The following SEC24B variants were observed in gnomAD, a reference collection of about 807,000 sequenced individuals.
SEC24B encodes the protein protein transport protein Sec24B.
A neutral mutation model predicts 142.8 loss-of-function variants in SEC24B; 45 were observed. The observed-to-expected ratio is 0.32, with a 90% confidence interval of 0.25 to 0.40. The LOEUF (loss-of-function observed/expected upper bound fraction) is 0.40. Ranked by LOEUF, SEC24B falls within the 10% of genes least tolerant of loss-of-function variation. The pLI, the probability that SEC24B is intolerant of heterozygous loss-of-function variation, is 1.00. For missense variants in SEC24B, 1,409 were observed against 1,526.8 expected (o/e 0.92, Z 1.29); for synonymous variants, 574 against 568.2 (o/e 1.01, Z -0.15).
At chr4:109,538,195 C>T (rs1725764594) in intron 22 of SEC24B, among the ~76,000 whole-genome samples, 1 of 152,166 alleles carries the variant, frequency 6.6e-6, no homozygotes, top group Non-Finnish European at 1.5e-5. Flanking sequence ...AAACATAAAG[C>T]CGCCACACAA....
chr4:109,451,175 A>G (rs1043276839), intron 1 of SEC24B: 2 of 152,158 alleles, frequency 1.3e-5, no homozygotes, highest in Non-Finnish European at 2.9e-5. Flanking sequence ...GTATGTTATT[A>G]TAAACTCACA....
intron 6 of SEC24B, among the ~76,000 whole-genome samples, chr4:109,500,446 A>G (rs933106172): frequency 1.1e-4 from 16 of 151,570 alleles, no homozygotes. Context: ...AGGGAGGCTG[A>G]AGCAGGAGAA....
At chr4:109,496,037 T>G (rs939914823) in intron 6 of SEC24B, among the ~76,000 whole-genome samples, 2 of 152,190 alleles carry the variant, frequency 1.3e-5, no homozygotes, top group Admixed American at 6.5e-5. Context: ...GATATGATAT[T>G]TATACAGTTA....
At chr4:109,535,620 G>A (rs934258658) in intron 22 of SEC24B, among the ~76,000 whole-genome samples, 2 of 151,842 alleles carry the variant, frequency 1.3e-5, no homozygotes, top group African/African-American at 4.8e-5. Flanking sequence ...AGGCCGAGGT[G>A]GGTGGATCAA....
At chr4:109,496,198 C>T (rs867223414) in intron 6 of SEC24B, among the ~76,000 whole-genome samples, 1 of 151,904 alleles carries the variant, frequency 6.6e-6, no homozygotes, top group Non-Finnish European at 1.5e-5. Flanking sequence ...CTGCAACCTC[C>T]GCCTACTGGG....
intron 14 of SEC24B, among the ~76,000 whole-genome samples, chr4:109,523,158 C>T (rs866574799): frequency 6.6e-6 from 1 of 151,916 alleles, no homozygotes; most frequent in Non-Finnish European, 1.5e-5. Context: ...GGCAATGTAA[C>T]GAGACCCTAT....
At chr4:109,462,177 A>C (rs965567001) in intron 1 of SEC24B, among the ~76,000 whole-genome samples, 2 of 151,482 alleles carry the variant, frequency 1.3e-5, no homozygotes, top group East Asian at 3.9e-4. Context: ...TAGCCATCAC[A>C]CTCTATAGAG....
chr4:109,533,095 G>T (rs1355890675), intron 21 of SEC24B, among the ~76,000 whole-genome samples: 1 of 152,142 alleles, frequency 6.6e-6, no homozygotes, highest in East Asian at 1.9e-4. Context: ...AGTATTTCAA[G>T]AGTTTATCTA....
chr4:109,521,196 A>G (rs769720778), intron 13 of SEC24B, 24 bp downstream of exon 13: 8 of 1,387,158 alleles, frequency 5.8e-6, no homozygotes, highest in Non-Finnish European at 8.1e-6. Flanking sequence ...ATTTTCTTAA[A>G]GCATAAAAAT....
chr4:109,526,072 T>G (rs1232426759), intron 16 of SEC24B, among the ~76,000 whole-genome samples, 154 bp from the exon 17 acceptor site: 1 of 152,158 alleles, frequency 6.6e-6, no homozygotes, highest in Admixed American at 6.6e-5. Context: ...TTTTTTGAAT[T>G]AATATTTTAG....
chr4:109,515,196 G>T (rs1470331033), intron 10 of SEC24B, among the ~76,000 whole-genome samples: 2 of 152,016 alleles, frequency 1.3e-5, no homozygotes, highest in African/African-American at 4.8e-5. Context: ...TGCCTCCCGG[G>T]TTCACGACAT....
chr4:109,539,954 G>C lies in SEC24B; in HGVS notation c.*279G>C, dbSNP rs1297339750. 7.3e-6 allele frequency: 2 copies of C among 275,286 alleles called. No individual in the cohort carries two copies. The highest frequency in any genetic ancestry group is 1.3e-5 in the Non-Finnish European group (2 of 150,122). 17.1% of individuals were successfully genotyped at this position (275,286 alleles called of 1,614,324 possible). A position where few individuals can be genotyped will look rare whatever the true frequency, so the allele number is the denominator to read the frequency against. ...ATGGCAGTACAGTGCTCTGTTCATT[G>C]CAAGCTGGCAAATTTATGTAGCTAT... On this transcript the variant is annotated 3_prime_UTR_variant, in exon 24 of 24. Coordinates refer to ENST00000265175, the MANE Select transcript of SEC24B (RefSeq NM_006323.5).
rs1367967447 is a variant in SEC24B, at chr4:109,462,893, T to TTTTCA, written c.134-5_134-4insCATTT. ...TTTACAAATACCTGTAAATACTTGC[T>TTTTCA]TTTTCAGGTCCAGCCCAGAATCAAA... On this transcript the variant is annotated splice_region_variant and splice_polypyrimidine_tract_variant and intron_variant, in intron 1 of 23. Transcript: ENST00000265175. 3.1e-6 allele frequency: 5 copies of TTTTCA among 1,590,538 alleles called. No individual in the cohort carries two copies. The highest frequency in any genetic ancestry group is 4.3e-6 in the Non-Finnish European group (5 of 1,172,868).
chr4:109,505,086 G>C (rs1736543505), intron 6 of SEC24B, among the ~76,000 whole-genome samples: 1 of 152,030 alleles, frequency 6.6e-6, no homozygotes, highest in Non-Finnish European at 1.5e-5. Flanking sequence ...GAGGTGTCAA[G>C]AGTGAAATAA....
At chr4:109,513,268 C>T (rs908892653) in intron 9 of SEC24B, among the ~76,000 whole-genome samples, 1 of 145,346 alleles carries the variant, frequency 6.9e-6, no homozygotes, top group East Asian at 2.0e-4. Context: ...GCCACTGCGC[C>T]TGGCCCCCTG....
At position 109,438,464 on chromosome 4, in the gene SEC24B, A is replaced by G. The variant is rs1459378405; in HGVS notation, c.133+4462A>G. On this transcript the variant is annotated intron_variant, in intron 1 of 23. Transcript: ENST00000265175. ...GAGTAGCTGGGACTATAGGTGTGTGACACCATACCCAGCTAACTTTTAAAA... is the reference window on the plus strand; with the variant it reads ...GAGTAGCTGGGACTATAGGTGTGTGGCACCATACCCAGCTAACTTTTAAAA... Among the ~76,000 whole-genome samples, 3 of 152,144 alleles carry G rather than the reference A, an allele frequency of 2.0e-5. No individual in the cohort carries two copies. In the East Asian group the frequency reaches 5.8e-4, roughly 29 times the overall value.
At chr4:109,527,227 AAAAAAG>A (rs1724342838) in intron 17 of SEC24B, 89 bp from the exon 18 acceptor site, 4 of 930,700 alleles carry the variant, frequency 4.3e-6, no homozygotes, top group Non-Finnish European at 4.9e-6. Flanking sequence ...TCAAAAAAAA[AAAAAAG>A]AAAGAAAGAA....
At chr4:109,526,645 GCTAAA>G (rs1724260424) in intron 17 of SEC24B, among the ~76,000 whole-genome samples, 1 of 152,084 alleles carries the variant, frequency 6.6e-6, no homozygotes, top group Non-Finnish European at 1.5e-5. Flanking sequence ...AACAGTTCAT[GCTAAA>G]TCCAGCTATG....
intron 2 of SEC24B, among the ~76,000 whole-genome samples, chr4:109,468,929 A>G (rs34078317): frequency 0.029 from 4,471 of 152,160 alleles, 119 homozygotes; most frequent in Admixed American, 0.035. Context: ...GAGGCCATCT[A>G]CATACCTAAT....
Sources: allele counts gnomAD v4.1 joint callset (sites outside exome capture counted in the v4.1 genomes callset), GRCh38; gene constraint gnomAD v4.1.1; transcripts MANE v1.5; gene names NCBI Gene and HGNC (gene_info 2026-07-23, HGNC 2026-07-21).